Variants in CSMD2 observed in about 807,000 individuals in gnomAD.
CSMD2 encodes the protein CUB and Sushi multiple domains 2, also known as CUB and sushi domain-containing protein 2.
Under a neutral mutation model 398.5 loss-of-function variants are expected in CSMD2, and 130 were observed. That is an observed-to-expected ratio of 0.33 (90% confidence interval 0.28 to 0.38). The LOEUF (loss-of-function observed/expected upper bound fraction) is 0.38. CSMD2 is among the 10% of genes least tolerant of loss of function. The probability of loss-of-function intolerance (pLI) is 1.00; values close to 1 mark genes in which losing one functional copy is unlikely to be tolerated. For missense variants in CSMD2, 3,829 were observed against 4,764.9 expected (o/e 0.80, Z 5.78); for synonymous variants, 1,828 against 1,908.5 (o/e 0.96, Z 1.10).
At chr1:33,622,066 T>C (rs1641808106) in intron 37 of CSMD2, 101 bp downstream of exon 37, 2 of 872,602 alleles carry the variant, frequency 2.3e-6, no homozygotes, top group Non-Finnish European at 3.8e-6. Flanking sequence ...TTAAGTGGGA[T>C]GGACAATATG....
At chr1:34,117,194 AT>A (rs1308687606) in intron 1 of CSMD2, among the ~76,000 whole-genome samples, 6 of 152,068 alleles carry the variant, frequency 3.9e-5, no homozygotes, top group Non-Finnish European at 8.8e-5. Context: ...AATAAACAAA[AT>A]TAAGAGTTGA....
chr1:33,968,568 T>G (rs976506110), intron 3 of CSMD2, among the ~76,000 whole-genome samples: 3 of 152,226 alleles, frequency 2.0e-5, no homozygotes. Flanking sequence ...TGGCAAGGAA[T>G]TGAAGTTGGC....
intron 9 of CSMD2, among the ~76,000 whole-genome samples, chr1:33,818,710 G>A (rs1657757796): frequency 6.6e-6 from 1 of 152,174 alleles, no homozygotes; most frequent in African/African-American, 2.4e-5. Flanking sequence ...AGTTGAATGA[G>A]GATGTAAGGC....
intron 3 of CSMD2, among the ~76,000 whole-genome samples, chr1:34,028,646 A>T (rs1650010164): frequency 6.6e-6 from 1 of 152,186 alleles, no homozygotes; most frequent in African/African-American, 2.4e-5. Flanking sequence ...CCTAAGCTGC[A>T]CACAAAACTT....
chr1:33,630,056 C>T (rs1193438948), intron 32 of CSMD2, among the ~76,000 whole-genome samples: 1 of 151,658 alleles, frequency 6.6e-6, no homozygotes, highest in East Asian at 2.0e-4. Context: ...TCATCTTCCT[C>T]CCCCATCTTC....
chr1:33,899,399 C>G (rs1049127888), intron 5 of CSMD2, among the ~76,000 whole-genome samples: 1 of 152,200 alleles, frequency 6.6e-6, no homozygotes, highest in Non-Finnish European at 1.5e-5. Context: ...GCAGAAAGAG[C>G]AGAGGTTGGG....
At chr1:33,652,711 C>G (rs193212605) in intron 27 of CSMD2, among the ~76,000 whole-genome samples, 3 of 152,172 alleles carry the variant, frequency 2.0e-5, no homozygotes, top group African/African-American at 7.2e-5. Context: ...CATTGAAAAA[C>G]AGGTAATTTT....
chr1:33,564,559 A>T (rs2148671167), intron 53 of CSMD2, among the ~76,000 whole-genome samples: 1 of 152,338 alleles, frequency 6.6e-6, no homozygotes, highest in South Asian at 2.1e-4. Flanking sequence ...GACTGAATAC[A>T]GATGGAACTT....
At chr1:33,831,540 C>A (rs573300650) in intron 6 of CSMD2, among the ~76,000 whole-genome samples, 3 of 151,738 alleles carry the variant, frequency 2.0e-5, no homozygotes, top group African/African-American at 4.8e-5. Context: ...ACAAATGGTA[C>A]CAGCTGCTGC....
intron 3 of CSMD2, among the ~76,000 whole-genome samples, chr1:34,003,143 C>T (rs1181209322): frequency 6.6e-6 from 1 of 152,196 alleles, no homozygotes; most frequent in African/African-American, 2.4e-5. Context: ...CCTTCTCCAA[C>T]TCCCATTCCC....
chr1:33,529,109 G>A (rs751759941), intron 64 of CSMD2, among the ~76,000 whole-genome samples: 2 of 152,140 alleles, frequency 1.3e-5, no homozygotes, highest in Admixed American at 6.5e-5. Context: ...TAATTGATAC[G>A]TCCCAATATT....
At chr1:34,069,774 G>A (rs1333078658) in intron 2 of CSMD2, among the ~76,000 whole-genome samples, 5 of 152,210 alleles carry the variant, frequency 3.3e-5, no homozygotes, top group Non-Finnish European at 5.9e-5. Flanking sequence ...TTGGAGAAAG[G>A]AGGGGAAAGG....
intron 11 of CSMD2, among the ~76,000 whole-genome samples, chr1:33,789,460 G>A (rs1653965032): frequency 6.6e-6 from 1 of 152,268 alleles, no homozygotes; most frequent in Non-Finnish European, 1.5e-5. Context: ...TGCAGAATGG[G>A]CAGTGGCTTC....
At chr1:33,874,200 T>A (rs762667070) in intron 5 of CSMD2, among the ~76,000 whole-genome samples, 1 of 152,262 alleles carries the variant, frequency 6.6e-6, no homozygotes, top group Non-Finnish European at 1.5e-5. Flanking sequence ...TGGAGTAGAA[T>A]GATAATAGCA....
In CSMD2 at chr1:33,569,432, G is replaced by T. The variant is rs1178880775; in HGVS notation, c.8073C>A (p.Ser2691=). 2 of 1,614,184 alleles carry T rather than the reference G, an allele frequency of 1.2e-6. No homozygotes were observed. The highest frequency in any genetic ancestry group is 3.3e-5 in the Admixed American group (2 of 60,026). The change falls in exon 52 of 71, where the codon TCC becomes TCA. Residue 2691 remains serine (S), a synonymous_variant. Coordinates refer to ENST00000373381, the MANE Select transcript of CSMD2 (RefSeq NM_001281956.2). The part of the protein sequence containing the change: ...SCNSGYTLVG[S]RVRECMANGL... ...CATTGGCCATGCACTCACGCACCCT[G>T]GAGCCCACCAGTGTGTATCCGGAAT...
At chr1:33,924,085 C>G (rs1237402402) in intron 4 of CSMD2, among the ~76,000 whole-genome samples, 1 of 152,142 alleles carries the variant, frequency 6.6e-6, no homozygotes, top group Non-Finnish European at 1.5e-5. Context: ...ATGAGATCCA[C>G]TTTTTTAACT....
intron 3 of CSMD2, among the ~76,000 whole-genome samples, chr1:33,955,820 C>T (rs931490590): frequency 7.2e-5 from 11 of 152,078 alleles, no homozygotes; most frequent in Admixed American, 6.5e-5. Context: ...AAAGTGCCGG[C>T]GTTCAGTCTA....
At chr1:33,682,489 T>A (rs1380124112) in intron 25 of CSMD2, among the ~76,000 whole-genome samples, 6 of 152,180 alleles carry the variant, frequency 3.9e-5, no homozygotes. Context: ...GAGGATAATA[T>A]GTTACCTTTG....
At chr1:33,600,220 TG>T (rs1449077157) in intron 44 of CSMD2, 1 of 714,662 alleles carries the variant, frequency 1.4e-6, no homozygotes, top group African/African-American at 1.8e-5. Context: ...TCCTGATTTC[TG>T]GTTAAAATAT....
Sources: allele counts gnomAD v4.1 joint callset (sites outside exome capture counted in the v4.1 genomes callset), GRCh38; gene constraint gnomAD v4.1.1; transcripts MANE v1.5; gene names NCBI Gene and HGNC (gene_info 2026-07-23, HGNC 2026-07-21).